Variants in DHRSX observed in about 807,000 individuals in gnomAD.
DHRSX encodes the protein dehydrogenase/reductase X-linked.
A neutral mutation model predicts 34.0 loss-of-function variants in DHRSX; 31 were observed. The ratio of observed to expected loss-of-function variants is 0.91; its 90% confidence interval spans 0.69 to 1.23. The LOEUF (loss-of-function observed/expected upper bound fraction) is 1.23. DHRSX is among the 50% of genes most tolerant of loss of function. The pLI is 0.00. For missense variants in DHRSX, 414 were observed against 428.1 expected (o/e 0.97, Z 0.29); for synonymous variants, 201 against 183.8 (o/e 1.09, Z -0.76).
intron 1 of DHRSX, among the ~76,000 whole-genome samples, chrX:2,465,627 C>A (rs189277098): frequency 7.3e-4 from 109 of 150,194 alleles, no homozygotes; most frequent in African/African-American, 2.7e-3. Context: ...ACAGGTGAAA[C>A]CCCGTCTCTA....
chrX:2,437,692 AGAGAGAGTGTGTGT>A (rs1386044374), intron 1 of DHRSX, among the ~76,000 whole-genome samples: 135 of 79,694 alleles, frequency 1.7e-3, no homozygotes, highest in African/African-American at 4.6e-3. Flanking sequence ...AGAGAGAGAG[AGAGAGAGTGTGTGT>A]GTGTGTGTGT....
intron 1 of DHRSX, chrX:2,500,486 CG>C (rs758853914): frequency 3.9e-5 from 6 of 155,436 alleles, no homozygotes; most frequent in Non-Finnish European, 8.5e-5. Flanking sequence ...TCAGGGTGCG[CG>C]GGGGGGCGGC....
chrX:2,253,264 G>A (rs1446713846), intron 5 of DHRSX, among the ~76,000 whole-genome samples: 236 of 150,804 alleles, frequency 1.6e-3, no homozygotes, highest in African/African-American at 5.4e-3. Flanking sequence ...CCTAGGAGGC[G>A]GACGTGGTCG....
chrX:2,304,171 T>G (rs191496500), intron 3 of DHRSX, among the ~76,000 whole-genome samples: 33,170 of 72,298 alleles, frequency 0.46, 7,123 homozygotes, highest in Middle Eastern at 0.58. Flanking sequence ...ATGGATGAAC[T>G]GATGGATGGA....
In DHRSX at chrX:2,491,862, C is replaced by A. The variant is rs1335436202; in HGVS notation, c.109+8955G>T. 6.6e-5 allele frequency among the ~76,000 whole-genome samples: 10 copies of A among 152,194 alleles called. No individual in the cohort carries two copies. In the South Asian group the frequency reaches 1.2e-3, roughly 19 times the overall value. Reference sequence around the variant, plus strand: ...TGTGGAGGCTTAGATGACCCAGAAGCCAGTCCCCAGGGTTCCTGTTGAGGT... The same window carrying A: ...TGTGGAGGCTTAGATGACCCAGAAGACAGTCCCCAGGGTTCCTGTTGAGGT... On this transcript the variant is annotated intron_variant, in intron 1 of 6. Coordinates refer to ENST00000334651, the MANE Select transcript of DHRSX (RefSeq NM_145177.3).
intron 1 of DHRSX, among the ~76,000 whole-genome samples, chrX:2,483,357 A>T (rs1235851852): frequency 6.6e-6 from 1 of 151,930 alleles, no homozygotes; most frequent in Non-Finnish European, 1.5e-5. Flanking sequence ...TCCAACTCCC[A>T]AGCTCAAGTG....
intron 3 of DHRSX, among the ~76,000 whole-genome samples, chrX:2,395,712 C>T (rs1399391505): frequency 1.3e-5 from 2 of 152,084 alleles, no homozygotes; most frequent in Non-Finnish European, 2.9e-5. Flanking sequence ...CACGCATGTT[C>T]AGGGTCACCT....
intron 3 of DHRSX, among the ~76,000 whole-genome samples, chrX:2,365,960 C>T (rs2042990207): frequency 6.6e-6 from 1 of 152,062 alleles, no homozygotes; most frequent in Non-Finnish European, 1.5e-5. Flanking sequence ...GTTCTATGAA[C>T]CCCCTCTCCC....
At chrX:2,378,038 G>A (rs775888986) in intron 3 of DHRSX, among the ~76,000 whole-genome samples, 125 of 152,194 alleles carry the variant, frequency 8.2e-4, no homozygotes, top group African/African-American at 2.8e-3. Flanking sequence ...GCGCCCGGCC[G>A]TGTGCACACA....
At chrX:2,413,476 T>C (rs1950007150) in intron 2 of DHRSX, among the ~76,000 whole-genome samples, 1 of 152,174 alleles carries the variant, frequency 6.6e-6, no homozygotes. Flanking sequence ...GTAATGGATA[T>C]GTGAATTAGC....
chrX:2,389,404 G>A (rs984628782), intron 3 of DHRSX, among the ~76,000 whole-genome samples: 14 of 152,064 alleles, frequency 9.2e-5, no homozygotes, highest in Admixed American at 8.5e-4. Context: ...TGATGAAAGT[G>A]ATGGCGGTAA....
intron 4 of DHRSX, among the ~76,000 whole-genome samples, chrX:2,284,341 T>C (rs1413362322): frequency 7.0e-6 from 1 of 142,922 alleles, no homozygotes; most frequent in Non-Finnish European, 1.6e-5. Context: ...AATTCATTCA[T>C]TCATTTGAAT....
chrX:2,315,714 T>A (rs1490606782), intron 3 of DHRSX, among the ~76,000 whole-genome samples: 2 of 152,100 alleles, frequency 1.3e-5, no homozygotes, highest in African/African-American at 4.8e-5. Flanking sequence ...GGGTTTAGAT[T>A]AACAGGATGT....
intron 5 of DHRSX, among the ~76,000 whole-genome samples, chrX:2,257,809 T>G (rs1356151939): frequency 1.3e-5 from 2 of 152,084 alleles, no homozygotes; most frequent in African/African-American, 4.8e-5. Flanking sequence ...ATTTTTTAAG[T>G]AGAGACGGGG....
At chrX:2,406,924 C>G (rs2043562399) in intron 3 of DHRSX, among the ~76,000 whole-genome samples, 1 of 152,136 alleles carries the variant, frequency 6.6e-6, no homozygotes. Context: ...GGCACAGACT[C>G]AAAGCAAATG....
chrX:2,447,385 C>T (rs1364755639), intron 1 of DHRSX, among the ~76,000 whole-genome samples: 5 of 151,900 alleles, frequency 3.3e-5, no homozygotes, highest in East Asian at 1.9e-4. Context: ...GGACCAACGC[C>T]GTATACACAC....
chrX:2,269,735 T>G (rs1237269695), intron 4 of DHRSX, among the ~76,000 whole-genome samples: 1 of 152,126 alleles, frequency 6.6e-6, no homozygotes, highest in Non-Finnish European at 1.5e-5. Flanking sequence ...AGACGGGGTT[T>G]TGCCATGTTG....
At chrX:2,432,202 A>T (rs2043935545) in intron 1 of DHRSX, among the ~76,000 whole-genome samples, 3 of 152,070 alleles carry the variant, frequency 2.0e-5, no homozygotes, top group Admixed American at 1.3e-4. Context: ...TCAAAAAAAA[A>T]ATTTTTTTTA....
At chrX:2,249,705 G>A (rs2016391393) in intron 5 of DHRSX, among the ~76,000 whole-genome samples, 1 of 151,146 alleles carries the variant, frequency 6.6e-6, no homozygotes, top group Admixed American at 6.6e-5. Context: ...TGTATTTGCA[G>A]TAGAGATGGG....
Sources: gnomAD v4.1 joint callset for allele counts (sites outside exome capture counted in the v4.1 genomes callset) on GRCh38, gnomAD v4.1.1 for gene constraint, MANE v1.5 for transcripts, NCBI Gene and HGNC (gene_info 2026-07-23, HGNC 2026-07-21) for gene names.